Variants in TBL1XR1 observed in about 807,000 individuals in gnomAD.
TBL1XR1 encodes F-box-like/WD repeat-containing protein TBL1XR1.
TBL1XR1 carries 5 observed loss-of-function variants against 66.9 expected under a neutral mutation model. The observed-to-expected ratio is 0.07, with a 90% CI of 0.04 to 0.16. TBL1XR1 has a LOEUF of 0.16. TBL1XR1 is among the 10% of genes least tolerant of loss of function. TBL1XR1 has a pLI of 1.00. For synonymous variants in TBL1XR1, 210 were observed against 206.0 expected, an observed-to-expected ratio of 1.02 and a Z score of -0.17; for missense variants, 238 against 623.2, an observed-to-expected ratio of 0.38 and a Z score of 6.58.
intron 3 of TBL1XR1, among the ~76,000 whole-genome samples, chr3:177,060,925 G>A (rs974564476): frequency 2.0e-5 from 3 of 152,130 alleles, no homozygotes; most frequent in Non-Finnish European, 4.4e-5. Context: ...TATTAAATAC[G>A]CTCAGTTTTC....
At chr3:177,156,139 A>T (rs7617494) in intron 1 of TBL1XR1, among the ~76,000 whole-genome samples, 59,969 of 128,490 alleles carry the variant, frequency 0.47, 15,513 homozygotes, top group Non-Finnish European at 0.56. Context: ...CCTAGAATTC[A>T]TGAAAACGTG....
intron 3 of TBL1XR1, among the ~76,000 whole-genome samples, chr3:177,063,273 T>C (rs1167598035): frequency 1.3e-5 from 2 of 152,122 alleles, no homozygotes; most frequent in African/African-American, 4.8e-5. Flanking sequence ...AAAAGAAAAA[T>C]ATTACTGCTC....
chr3:177,147,688 C>T (rs1730420695), intron 1 of TBL1XR1, among the ~76,000 whole-genome samples: 1 of 152,114 alleles, frequency 6.6e-6, no homozygotes, highest in South Asian at 2.1e-4. Context: ...AAAAATCATT[C>T]ATGCAATGGC....
chr3:177,122,800 C>A (rs572048103), intron 1 of TBL1XR1, among the ~76,000 whole-genome samples: 1 of 152,230 alleles, frequency 6.6e-6, no homozygotes, highest in African/African-American at 2.4e-5. Flanking sequence ...TCGTTTCAGG[C>A]TCATCCACAA....
intron 1 of TBL1XR1, among the ~76,000 whole-genome samples, chr3:177,123,086 C>T (rs1400641779): frequency 6.6e-6 from 1 of 152,014 alleles, no homozygotes; most frequent in Non-Finnish European, 1.5e-5. Context: ...TTGCTAACTC[C>T]TATAAGAAAT....
At chr3:177,155,039 C>A (rs990243774) in intron 1 of TBL1XR1, among the ~76,000 whole-genome samples, 2 of 152,038 alleles carry the variant, frequency 1.3e-5, no homozygotes, top group African/African-American at 4.8e-5. Flanking sequence ...GAAGAAATCA[C>A]AATGAAAATT....
chr3:177,155,468 A>G (rs920363651), intron 1 of TBL1XR1, among the ~76,000 whole-genome samples: 1 of 152,190 alleles, frequency 6.6e-6, no homozygotes, highest in Non-Finnish European at 1.5e-5. Flanking sequence ...TTTTTGATCT[A>G]TGTTGTTCTG....
intron 1 of TBL1XR1, among the ~76,000 whole-genome samples, chr3:177,127,082 A>G (rs1727728524): frequency 1.3e-5 from 2 of 152,198 alleles, no homozygotes; most frequent in African/African-American, 4.8e-5. Flanking sequence ...TCTGCCACAG[A>G]TTATAATCAA....
chr3:177,113,960 GA>G (rs1481565710), intron 1 of TBL1XR1, among the ~76,000 whole-genome samples: 9 of 151,996 alleles, frequency 5.9e-5, no homozygotes, highest in Non-Finnish European at 1.0e-4. Flanking sequence ...ATTTAAAACA[GA>G]AATAACCACC....
rs1464861523 is a variant in TBL1XR1 at position 177,020,649 on chromosome 3, CA to C, written c.*4848del. 2 of 152,096 alleles carry C rather than the reference CA, an allele frequency of 1.3e-5. No homozygotes were observed. Among genetic ancestry groups the C allele is most frequent in the Non-Finnish European group, 2.9e-5 (2 of 67,978 alleles). 9.4% of individuals were successfully genotyped at this position (152,096 alleles called of 1,614,324 possible). On this transcript the variant is annotated 3_prime_UTR_variant, in exon 16 of 16. Coordinates refer to ENST00000457928, the MANE Select transcript of TBL1XR1 (RefSeq NM_024665.7). The stretch of plus-strand genomic sequence containing the variant: ...GAAGTAAAAGCAATTAAAATGTAAA[CA>C]AACTGTAAACAAGAAATACCATCCC...
chr3:177,043,661 T>C (rs984473474), intron 10 of TBL1XR1, among the ~76,000 whole-genome samples: 2 of 152,200 alleles, frequency 1.3e-5, no homozygotes, highest in East Asian at 3.8e-4. Context: ...TCACAATCTC[T>C]GCCTTTTAAT....
At chr3:177,125,428 C>A (rs562070577) in intron 1 of TBL1XR1, among the ~76,000 whole-genome samples, 4 of 152,078 alleles carry the variant, frequency 2.6e-5, no homozygotes, top group Non-Finnish European at 5.9e-5. Flanking sequence ...AAACTGAAAC[C>A]CTCATTCACT....
At chr3:177,069,855 A>G (rs1410398944) in intron 2 of TBL1XR1, among the ~76,000 whole-genome samples, 1 of 150,714 alleles carries the variant, frequency 6.6e-6, no homozygotes, top group East Asian at 2.0e-4. Flanking sequence ...GAAGGAAGGA[A>G]AAACAACACA....
chr3:177,135,853 A>G (rs1728932068), intron 1 of TBL1XR1, among the ~76,000 whole-genome samples: 1 of 151,696 alleles, frequency 6.6e-6, no homozygotes, highest in Non-Finnish European at 1.5e-5. Context: ...TTTTTAAACC[A>G]TGTAAATAAA....
Position 177,132,571 on chromosome 3 carries a change from A to G in TBL1XR1, c.-121-34030T>C, listed in dbSNP as rs76694459. Among the ~76,000 whole-genome samples, 898 of 152,334 alleles carry G rather than the reference A, an allele frequency of 5.9e-3. 11 individuals carry two copies. Among genetic ancestry groups the G allele is most frequent in the African/African-American group, 0.021 (856 of 41,562 alleles). On this transcript the variant is annotated intron_variant, in intron 1 of 15. Coordinates refer to ENST00000457928, the MANE Select transcript of TBL1XR1 (RefSeq NM_024665.7). ...GGGAAAGAAAGGTTAACAGATTGTA[A>G]TAACAGTGGTTAAAAAAATAAAACC... is the stretch of plus-strand genomic sequence containing the variant.
intron 3 of TBL1XR1, among the ~76,000 whole-genome samples, chr3:177,062,259 T>A (rs1718609805): frequency 1.3e-5 from 2 of 152,268 alleles, no homozygotes; most frequent in African/African-American, 4.8e-5. Flanking sequence ...TCTTGAATAC[T>A]CAGCATAATT....
Position 177,069,782 on chromosome 3 carries a change from GAAAAGGAAGGA to G in TBL1XR1, c.-45-4771_-45-4761del, listed in dbSNP as rs757205331. ...AAGGAAAGAAAGGAAGGAAAGGAAG[GAAAAGGAAGGA>G]AAGGAAGGAAGGAAGGAAGGAAGGA... On this transcript the variant is annotated intron_variant, in intron 2 of 15. Transcript: ENST00000457928. Among the ~76,000 whole-genome samples the G allele has an allele frequency of 3.8e-3, 283 of 75,404 alleles. 4 individuals are homozygous for G. The highest frequency in any genetic ancestry group is 6.6e-3 in the Middle Eastern group (1 of 152). 49.5% of individuals were successfully genotyped at this position (75,404 alleles called of 152,430 possible). A position where few individuals can be genotyped will look rare whatever the true frequency, so the allele number is the denominator to read the frequency against.
upstream of TBL1XR1, among the ~76,000 whole-genome samples, chr3:177,200,314 C>T (rs981447634): frequency 1.3e-5 from 2 of 152,116 alleles, no homozygotes; most frequent in African/African-American, 4.8e-5. Context: ...TAGGGGCACC[C>T]AAATGTGGAA....
intron 3 of TBL1XR1, among the ~76,000 whole-genome samples, chr3:177,057,494 T>C (rs1019061081): frequency 6.6e-6 from 1 of 152,238 alleles, no homozygotes. Flanking sequence ...GCAATTATAC[T>C]ATAATGTATT....
Sources: allele counts gnomAD v4.1 joint callset (sites outside exome capture counted in the v4.1 genomes callset), GRCh38; gene constraint gnomAD v4.1.1; transcripts MANE v1.5; gene names NCBI Gene and HGNC (gene_info 2026-07-23, HGNC 2026-07-21).